The following LIMS2 variants were observed in gnomAD, a reference collection of about 807,000 sequenced individuals.
LIMS2 encodes LIM zinc finger domain containing 2.
LIMS2 carries 30 observed loss-of-function variants against 45.3 expected under a neutral mutation model. The observed-to-expected ratio is 0.66, with a 90% CI of 0.50 to 0.90. LIMS2 has a LOEUF of 0.90. Ranked by LOEUF, LIMS2 falls within the 40% of genes least tolerant of loss-of-function variation. LIMS2 has a pLI of 0.00. For synonymous variants in LIMS2, 173 were observed against 188.0 expected (o/e 0.92, Z 0.65); for missense variants, 485 against 468.7 (o/e 1.03, Z -0.32).
Position 127,675,139 on chromosome 2 carries a change from C to T in LIMS2, c.-115G>A. ...CCCGGGCCGCGGAGCAGGGAGACGC[C>T]CAAAAAAGGCCAAGAGCCGCTCCGC... On this transcript the variant is annotated 5_prime_UTR_variant, in exon 1 of 10. Coordinates refer to ENST00000355119, the MANE Select transcript of LIMS2 (RefSeq NM_001161403.3). 1 of 1,008,928 alleles carries T rather than the reference C, an allele frequency of 9.9e-7. No individual in the cohort carries two copies. The highest frequency in any genetic ancestry group is 3.5e-5 in the East Asian group (1 of 28,680). The allele number at this position is 1,008,928 out of a possible 1,614,324, so 62.5% of individuals were successfully genotyped here. A position where few individuals can be genotyped will look rare whatever the true frequency, so the allele number is the denominator to read the frequency against.
Position 127,642,049 on chromosome 2 carries a change from C to T in LIMS2, c.660G>A (p.Glu220=). 1 of 1,611,116 alleles carries T rather than the reference C, an allele frequency of 6.2e-7. No individual in the cohort carries two copies. The highest frequency in any genetic ancestry group is 8.5e-7 in the Non-Finnish European group (1 of 1,179,080). ...CCACGTGTCCACCAGCCTGGCTCACCTCCACGTGCCACTGCTTGCCCAGCG... is the reference window on the plus strand; with the variant it reads ...CCACGTGTCCACCAGCCTGGCTCACTTCCACGTGCCACTGCTTGCCCAGCG... ...VNALGKQWHV[E]HFVCAKCEKP... is the part of the protein sequence containing the mutation. Residue 220 remains glutamate (E), a splice_region_variant and synonymous_variant, in exon 6 of 10, where the codon GAG becomes GAA. Coordinates refer to ENST00000355119, the MANE Select transcript of LIMS2 (RefSeq NM_001161403.3). This position sits in a 1 kb window ranked among gnomAD's most constrained non-coding sequence, Gnocchi z 5.3.
At chr2:127,660,922 T>TG (rs1479400034) in intron 1 of LIMS2, among the ~76,000 whole-genome samples, 19 of 4,248 alleles carry the variant, frequency 4.5e-3, no homozygotes, top group Admixed American at 0.02. Context: ...GTGGCATAGG[T>TG]GGGGGTGGGG....
At chr2:127,662,586 A>T (rs955194526) in intron 1 of LIMS2, among the ~76,000 whole-genome samples, 1 of 143,330 alleles carries the variant, frequency 7.0e-6, no homozygotes. Flanking sequence ...CATTGAGAAC[A>T]CATGGACACA....
chr2:127,660,247 A>G (rs899117622), intron 1 of LIMS2, among the ~76,000 whole-genome samples: 1 of 152,230 alleles, frequency 6.6e-6, no homozygotes, highest in Admixed American at 6.5e-5. Context: ...AAATGGACCA[A>G]TCAGCAGGAT....
At chr2:127,670,280 T>C (rs1486807891) in intron 1 of LIMS2, among the ~76,000 whole-genome samples, 1 of 152,220 alleles carries the variant, frequency 6.6e-6, no homozygotes, top group Non-Finnish European at 1.5e-5. Flanking sequence ...CAATGGAATA[T>C]TATTCACCCA....
chr2:127,643,921 G>A (rs1409034084), intron 4 of LIMS2: 13 of 398,510 alleles, frequency 3.3e-5, no homozygotes, highest in South Asian at 5.5e-5. Flanking sequence ...ACGGCTGCCC[G>A]ACGCCCAGTG....
rs1684614954 is a variant in LIMS2, at chr2:127,661,043, C to CA, written c.12-3482dup. 2.6e-5 allele frequency among the ~76,000 whole-genome samples: 4 copies of CA among 152,220 alleles called. No individual in the cohort carries two copies. In the South Asian group the frequency reaches 6.2e-4, roughly 24 times the overall value. On this transcript the variant is annotated intron_variant, in intron 1 of 9. Coordinates refer to ENST00000355119, the MANE Select transcript of LIMS2 (RefSeq NM_001161403.3). ...GTGAGGGAACATTCTGCTCCAAGAGCAAAGACGGGACAGACAGAAGCATGC... is the reference window on the plus strand; with the variant it reads ...GTGAGGGAACATTCTGCTCCAAGAGCAAAAGACGGGACAGACAGAAGCATGC...
At chr2:127,670,052 T>C (rs555523709) in intron 1 of LIMS2, among the ~76,000 whole-genome samples, 1 of 152,216 alleles carries the variant, frequency 6.6e-6, no homozygotes, top group Non-Finnish European at 1.5e-5. Context: ...TGTAAAATTG[T>C]TCAATTACTT....
At position 127,657,525 on chromosome 2, in the gene LIMS2, G is replaced by A. The variant is rs760929162; in HGVS notation, c.49C>T (p.Arg17Cys). ...SDALANAVCQ[R>C]CQARFSPAER... ...GCGGGGGAGAAGCGGGCCTGGCAGC[G>A]CTGGCACACGGCGTTGGCCAAGGCG... is the stretch of plus-strand genomic sequence containing the variant. The change falls in exon 2 of 10, where the codon CGC becomes TGC. Residue 17 changes from arginine to cysteine, a missense_variant. Transcript: ENST00000355119. 2.9e-5 allele frequency: 47 copies of A among 1,611,406 alleles called. No individual in the cohort carries two copies. The highest frequency in any genetic ancestry group is 9.3e-5 in the African/African-American group (7 of 74,932).
chr2:127,648,378 C>T (rs1004504885), intron 4 of LIMS2: 6 of 177,778 alleles, frequency 3.4e-5, no homozygotes, highest in African/African-American at 1.2e-4. Flanking sequence ...GCCAGGTGCT[C>T]GGGCCAGCCC....
At chr2:127,666,481 T>C (rs990491703) in intron 1 of LIMS2, among the ~76,000 whole-genome samples, 4 of 152,178 alleles carry the variant, frequency 2.6e-5, no homozygotes, top group African/African-American at 9.7e-5. Flanking sequence ...TGAATAATAA[T>C]AGCTCGTGGT....
chr2:127,650,744 C>A (rs761333176), intron 4 of LIMS2: 1 of 1,611,818 alleles, frequency 6.2e-7, no homozygotes, highest in South Asian at 1.1e-5. Flanking sequence ...GCATGAATGG[C>A]CTTGAAGTGG....
intron 4 of LIMS2, chr2:127,651,106 G>GC: frequency 6.2e-7 from 1 of 1,613,528 alleles, no homozygotes; most frequent in Non-Finnish European, 8.5e-7. Flanking sequence ...TTCCTCACCT[G>GC]CATCAGCGCC....
upstream of LIMS2, among the ~76,000 whole-genome samples, chr2:127,676,657 G>T (rs917090769): frequency 6.6e-6 from 1 of 152,130 alleles, no homozygotes; most frequent in Non-Finnish European, 1.5e-5. Context: ...TGATCCGACT[G>T]TCTCGAGTTA....
At chr2:127,646,014 C>CGGT (rs1402646569) in intron 4 of LIMS2, 1 of 153,504 alleles carries the variant, frequency 6.5e-6, no homozygotes, top group Non-Finnish European at 1.4e-5. Flanking sequence ...ATTCACGCTC[C>CGGT]GGTGGCAGCA....
At position 127,675,149 on chromosome 2, in the gene LIMS2, C is replaced by T. The variant is rs1685452975; in HGVS notation, c.-125G>A. On this transcript the variant is annotated 5_prime_UTR_variant, in exon 1 of 10. Transcript: ENST00000355119. The stretch of plus-strand genomic sequence containing the variant: ...GGAGCAGGGAGACGCCCAAAAAAGG[C>T]CAAGAGCCGCTCCGCCCGCGAGAGG... 1.1e-6 allele frequency: 1 copy of T among 951,998 alleles called. No individual in the cohort carries two copies. The allele number at this position is 951,998 out of a possible 1,614,324, so 59.0% of individuals were successfully genotyped here.
chr2:127,647,926 A>G lies in LIMS2; in HGVS notation c.360-4854T>C. 1.3e-6 allele frequency: 1 copy of G among 747,546 alleles called. No homozygotes were observed. Among genetic ancestry groups the G allele is most frequent in the South Asian group, 6.0e-5 (1 of 16,686 alleles). 46.3% of individuals were successfully genotyped at this position (747,546 alleles called of 1,614,324 possible). On this transcript the variant is annotated intron_variant, in intron 4 of 9. Coordinates refer to ENST00000355119, the MANE Select transcript of LIMS2 (RefSeq NM_001161403.3). The surrounding 1 kb of genome is among the most constrained non-coding windows in gnomAD (Gnocchi z 4.3). The stretch of plus-strand genomic sequence containing the variant: ...CTCCCCTGCCTCACAGGCCCTGTCA[A>G]GGGCTGTGTTCCTCCCTCCTTTTAC...
At chr2:127,650,614 G>A (rs776868707) in intron 4 of LIMS2, 11 of 780,370 alleles carry the variant, frequency 1.4e-5, no homozygotes, top group Non-Finnish European at 1.9e-5. Context: ...GCTTGAAAGT[G>A]GGAGGTTCTG....
intron 1 of LIMS2, among the ~76,000 whole-genome samples, chr2:127,663,699 G>A (rs1395488945): frequency 1.5e-5 from 2 of 137,730 alleles, no homozygotes; most frequent in South Asian, 2.6e-4. Context: ...TTGATGCCAA[G>A]GACCCCAAGG....
Sources: gnomAD v4.1 joint callset for allele counts (sites outside exome capture counted in the v4.1 genomes callset) on GRCh38, gnomAD v4.1.1 for gene constraint, Gnocchi (gnomAD v3.1) non-coding constraint, MANE v1.5 for transcripts, NCBI Gene and HGNC (gene_info 2026-07-23, HGNC 2026-07-21) for gene names.